ZSWIM4: variants seen among roughly 807,000 people sequenced by gnomAD.
ZSWIM4 encodes zinc finger SWIM-type containing 4.
A neutral mutation model predicts 102.5 loss-of-function variants in ZSWIM4; 62 were observed. The ratio of observed to expected loss-of-function variants is 0.60; its 90% CI spans 0.49 to 0.75. The LOEUF is 0.75. Among genes scored for constraint, ZSWIM4 ranks in the 30% least tolerant of loss-of-function variants. ZSWIM4 has a pLI of 0.00. For synonymous variants in ZSWIM4, 652 were observed against 674.5 expected (o/e 0.97, Z 0.52); for missense variants, 1,280 against 1,529.6 (o/e 0.84, Z 2.72).
Position 13,817,837 on chromosome 19 carries a change from G to A in ZSWIM4, c.1785G>A (p.Gln595=), listed in dbSNP as rs1290012087. 1 of 1,567,624 alleles carries A rather than the reference G, an allele frequency of 6.4e-7. No individual in the cohort carries two copies. The highest frequency in any genetic ancestry group is 1.3e-5 in the African/African-American group (1 of 74,398). The change falls in exon 9 of 14, where the codon CAG becomes CAA. Residue 595 remains glutamine, a synonymous_variant. Coordinates refer to ENST00000590508, the MANE Select transcript of ZSWIM4 (RefSeq NM_001367834.3). ...TGGCACTGCTGGGGCTGGGGCAGCA[G>A]CGGGCCCTGCCGGAGGGGCTGTACG... is the stretch of plus-strand genomic sequence containing the variant. ...LEVALLGLGQ[Q]RALPEGLYAQ...
At chr19:13,813,234 A>C in intron 6 of ZSWIM4, 70 bp downstream of exon 6, 2 of 1,284,566 alleles carry the variant, frequency 1.6e-6, no homozygotes, top group South Asian at 1.4e-5. Context: ...ACTTACCATC[A>C]TGGTCCTCTT....
chr19:13,805,306 G>A lies in ZSWIM4; in HGVS notation c.712+158G>A, dbSNP rs374000221. 3.3e-5 allele frequency among the ~76,000 whole-genome samples: 5 copies of A among 152,156 alleles called. No individual in the cohort carries two copies. The East Asian group carries it at 7.7e-4, about 23-fold the overall frequency. ...TGCATCATCTGAGGTCACCCACCTG[G>A]TGAGTGGCAGATCCCAGATATCTGG... On this transcript the variant is annotated intron_variant, in intron 3 of 13. Coordinates refer to ENST00000590508, the MANE Select transcript of ZSWIM4 (RefSeq NM_001367834.3).
At position 13,817,922 on chromosome 19, in the gene ZSWIM4, T is replaced by A; in HGVS notation, c.1870T>A (p.Leu624Met). The A allele has an allele frequency of 6.5e-7, 1 of 1,545,242 alleles. No homozygotes were observed. The highest frequency in any genetic ancestry group is 8.7e-7 in the Non-Finnish European group (1 of 1,144,096). ...GCTGGCCCTGCTGGAGGAGGTGGAG[T>A]TGGATGAGCGGTTGGTGCAGGTGCT... ...QLLALLEEVE[L>M]DERLVQVLRK... The change falls in exon 9 of 14, where the codon TTG becomes ATG. Residue 624 changes from leucine (L) to methionine (M), a missense_variant. Leu to Met is a conservative substitution (Grantham distance 15). Coordinates refer to ENST00000590508, the MANE Select transcript of ZSWIM4 (RefSeq NM_001367834.3).
At chr19:13,826,008 T>TG (rs1975601374) in intron 12 of ZSWIM4, among the ~76,000 whole-genome samples, 1 of 151,644 alleles carries the variant, frequency 6.6e-6, no homozygotes. Context: ...TCTCTGGGGA[T>TG]GGGGTCTTCA....
chr19:13,817,130 G>A, intron 7 of ZSWIM4, 86 bp from the exon 8 acceptor site: 1 of 1,505,222 alleles, frequency 6.6e-7, no homozygotes, highest in Non-Finnish European at 8.9e-7. Context: ...GGCTAGGCTG[G>A]CTGGCAGGTC....
At chr19:13,799,595 G>A in intron 1 of ZSWIM4, 125 bp from the exon 2 acceptor site, 3 of 917,084 alleles carry the variant, frequency 3.3e-6, no homozygotes, top group South Asian at 2.9e-5. Flanking sequence ...GTAAAGATGG[G>A]AGCCTCTCTA....
intron 3 of ZSWIM4, among the ~76,000 whole-genome samples, chr19:13,808,065 C>T (rs116635857): frequency 0.018 from 2,731 of 151,964 alleles, 72 homozygotes; most frequent in African/African-American, 0.063. Context: ...AAGGGGGAGA[C>T]ACTACACACT....
Position 13,814,710 on chromosome 19 carries a change from G to A in ZSWIM4, c.1376G>A (p.Trp459Ter). The A allele has an allele frequency of 7.8e-7, 1 of 1,288,160 alleles. No individual in the cohort carries two copies. Among genetic ancestry groups the A allele is most frequent in the Admixed American group, 2.3e-5 (1 of 43,506 alleles). 79.8% of individuals were successfully genotyped at this position (1,288,160 alleles called of 1,614,324 possible). Reference protein sequence around the residue: ...PTFDPQGRPLWLGEPFPTACA... With the variant: ...PTFDPQGRPL ...TTCGACCCCCAGGGCCGCCCACTGTGGCTGGGAGAACCTTTCCCCACTGCC... is the reference window on the plus strand; with the variant it reads ...TTCGACCCCCAGGGCCGCCCACTGTAGCTGGGAGAACCTTTCCCCACTGCC... Residue 459 changes from tryptophan (W) to a stop codon, truncating the protein, a stop_gained, in exon 7 of 14, where the codon TGG becomes TAG. Transcript: ENST00000590508. LOFTEE classifies it high-confidence loss of function.
chr19:13,827,246 C>T (rs572843000), intron 12 of ZSWIM4, among the ~76,000 whole-genome samples: 4 of 150,940 alleles, frequency 2.7e-5, no homozygotes, highest in East Asian at 3.9e-4. Flanking sequence ...GCTATGATCG[C>T]GCCACTGTAC....
chr19:13,812,228 C>G (rs1469833459), intron 5 of ZSWIM4, among the ~76,000 whole-genome samples: 1 of 152,082 alleles, frequency 6.6e-6, no homozygotes, highest in East Asian at 1.9e-4. Context: ...AAATGCTACC[C>G]AAAAAACCCC....
rs998902460 is a variant in ZSWIM4, at chr19:13,830,782, C to T, written c.3053C>T (p.Ala1018Val). 20 of 1,604,978 alleles carry T rather than the reference C, an allele frequency of 1.2e-5. No homozygotes were observed. Among genetic ancestry groups the T allele is most frequent in the Non-Finnish European group, 1.7e-5 (20 of 1,175,880 alleles). ...PGLGPLGARR[A>V]AKPLGADRAP... ...CTGGGCCCCTTAGGGGCACGCCGGGCCGCCAAGCCACTGGGTGCCGACCGG... is the reference window on the plus strand; with the variant it reads ...CTGGGCCCCTTAGGGGCACGCCGGGTCGCCAAGCCACTGGGTGCCGACCGG... Residue 1018 changes from alanine (A) to valine (V), a missense_variant, in exon 14 of 14, where the codon GCC (alanine) becomes GTC (valine). Transcript: ENST00000590508.
At position 13,814,561 on chromosome 19, in the gene ZSWIM4, G is replaced by A. The variant is rs542293985; in HGVS notation, c.1227G>A (p.Thr409=). 86 of 1,160,786 alleles carry A rather than the reference G, an allele frequency of 7.4e-5. 2 individuals carry two copies. The South Asian group carries it at 1.1e-3, about 15-fold the overall frequency. 71.9% of individuals were successfully genotyped at this position (1,160,786 alleles called of 1,614,324 possible). A position where few individuals can be genotyped will look rare whatever the true frequency, so the allele number is the denominator to read the frequency against. Residue 409 remains threonine, a synonymous_variant, in exon 7 of 14, where the codon ACG becomes ACA. Transcript: ENST00000590508. ...TGGCAGCCACAAGTCCCCGCCACAC[G>A]GTATTTGGCCGCGCCTTGCTGGCTG... is the stretch of plus-strand genomic sequence containing the variant. ...EEVAATSPRH[T]VFGRALLAGE...
intron 3 of ZSWIM4, 74 bp from the exon 4 acceptor site, chr19:13,808,760 AAG>A: frequency 6.9e-6 from 9 of 1,298,042 alleles, no homozygotes; most frequent in South Asian, 6.5e-5. Context: ...AAAAAAAAAA[AAG>A]GACAGCTCTC....
At chr19:13,806,906 G>T (rs540747573) in intron 3 of ZSWIM4, among the ~76,000 whole-genome samples, 1 of 152,066 alleles carries the variant, frequency 6.6e-6, no homozygotes, top group Non-Finnish European at 1.5e-5. Flanking sequence ...GTGGGTGGGC[G>T]CTTTGTGTAG....
intron 12 of ZSWIM4, among the ~76,000 whole-genome samples, chr19:13,826,152 T>C (rs1352575461): frequency 6.6e-6 from 1 of 152,130 alleles, no homozygotes; most frequent in East Asian, 1.9e-4. Context: ...CTATGAATTA[T>C]TAATAGAATC....
rs750607891 is a variant in ZSWIM4, at chr19:13,830,891, G to A, written c.3162G>A (p.Arg1054=). ...CGCGCCTCACGCACATCAGCCCGCG[G>A]CACTATGGGGATTTCATCGAATTCC... is the stretch of plus-strand genomic sequence containing the variant. ...SHSRLTHISP[R]HYGDFIEFLG... Residue 1054 remains arginine, a synonymous_variant, in exon 14 of 14, where the codon CGG becomes CGA. Transcript: ENST00000590508. The A allele has an allele frequency of 1.2e-6, 2 of 1,614,106 alleles. No individual in the cohort carries two copies. The highest frequency in any genetic ancestry group is 1.3e-5 in the African/African-American group (1 of 74,956).
intron 10 of ZSWIM4, 28 bp from the exon 11 acceptor site, chr19:13,823,318 A>G (rs1975516905): frequency 6.3e-7 from 1 of 1,597,858 alleles, no homozygotes; most frequent in Non-Finnish European, 8.6e-7. Flanking sequence ...GCCCCTCCTC[A>G]CCATGGCTCA....
At chr19:13,823,139 G>T (rs1975512549) in intron 10 of ZSWIM4, among the ~76,000 whole-genome samples, 1 of 152,214 alleles carries the variant, frequency 6.6e-6, no homozygotes. Context: ...TGACAACAGA[G>T]TGAGACCCTG....
At chr19:13,822,946 G>A (rs1378908831) in intron 10 of ZSWIM4, among the ~76,000 whole-genome samples, 1 of 150,570 alleles carries the variant, frequency 6.6e-6, no homozygotes, top group Non-Finnish European at 1.5e-5. Context: ...GCCATTGCAC[G>A]CCAGCCTGGG....
Sources: allele counts gnomAD v4.1 joint callset (sites outside exome capture counted in the v4.1 genomes callset), GRCh38; gene constraint gnomAD v4.1.1; transcripts MANE v1.5; gene names NCBI Gene and HGNC (gene_info 2026-07-23, HGNC 2026-07-21).